The following TBK1 variants were observed in gnomAD, a reference collection of about 807,000 sequenced individuals.
TBK1 encodes the protein TANK binding kinase 1.
In TBK1, 37 loss-of-function variants were observed where a neutral mutation model predicts 99.9. The observed-to-expected ratio is 0.37, with a 90% confidence interval of 0.28 to 0.49. TBK1 has a LOEUF of 0.49. Among genes scored for constraint, TBK1 ranks in the 20% least tolerant of loss-of-function variants. The pLI is 0.98. For synonymous variants in TBK1, 258 were observed against 279.8 expected (o/e 0.92, Z 0.78); for missense variants, 644 against 872.5 (o/e 0.74, Z 3.30).
intron 13 of TBK1, among the ~76,000 whole-genome samples, chr12:64,493,374 C>T (rs1324389434): frequency 6.6e-6 from 1 of 151,144 alleles, no homozygotes; most frequent in African/African-American, 2.4e-5. Context: ...CACCTGTAAT[C>T]CCAGAACTTT....
At chr12:64,481,403 T>A (rs538208188) in intron 7 of TBK1, among the ~76,000 whole-genome samples, 64 of 152,298 alleles carry the variant, frequency 4.2e-4, no homozygotes, top group Middle Eastern at 3.4e-3. Context: ...TTATATAATT[T>A]TTTTGTTTTA....
At chr12:64,496,271 C>A (rs2040923913) in intron 15 of TBK1, 96 bp from the exon 16 acceptor site, 1 of 580,278 alleles carries the variant, frequency 1.7e-6, no homozygotes, top group African/African-American at 2.0e-5. Context: ...GCTTCAGACT[C>A]TTAGCCTTTT....
intron 8 of TBK1, 67 bp downstream of exon 8, chr12:64,482,088 A>C (rs2040773748): frequency 1.1e-5 from 12 of 1,140,730 alleles, no homozygotes; most frequent in Non-Finnish European, 1.4e-5. Flanking sequence ...AAGTTAGGAA[A>C]AGAAATAGAA....
At position 64,485,920 on chromosome 12, in the gene TBK1, T is replaced by C. The variant is rs2040816080; in HGVS notation, c.1249-6T>C. 6.4e-7 allele frequency: 1 copy of C among 1,556,986 alleles called. No individual in the cohort carries two copies. Among genetic ancestry groups the C allele is most frequent in the Non-Finnish European group, 8.7e-7 (1 of 1,154,846 alleles). On this transcript the variant is annotated splice_region_variant and splice_polypyrimidine_tract_variant and intron_variant, in intron 10 of 20. Coordinates refer to ENST00000331710, the MANE Select transcript of TBK1 (RefSeq NM_013254.4). ...ACCAAATATTGACATTTTATTTCTT[T>C]ATTAGGCAATAACAGGGGTTGTGTG...
intron 5 of TBK1, among the ~76,000 whole-genome samples, chr12:64,469,383 C>G (rs747769610): frequency 3.9e-5 from 6 of 152,092 alleles, no homozygotes; most frequent in Non-Finnish European, 8.8e-5. Flanking sequence ...CTGCTCCTTT[C>G]TCCGTCCTAC....
At chr12:64,488,175 G>T (rs2040836612) in intron 11 of TBK1, among the ~76,000 whole-genome samples, 2 of 152,066 alleles carry the variant, frequency 1.3e-5, no homozygotes, top group African/African-American at 4.8e-5. Context: ...ATTAATTCTG[G>T]TGGTATAAAC....
At chr12:64,480,243 C>G (rs1044372340) in intron 7 of TBK1, 121 bp downstream of exon 7, 2 of 601,884 alleles carry the variant, frequency 3.3e-6, no homozygotes, top group Non-Finnish European at 5.6e-6. Flanking sequence ...TAGATATTGT[C>G]AAAGCATGTG....
intron 13 of TBK1, among the ~76,000 whole-genome samples, chr12:64,491,447 C>G (rs549515427): frequency 1.6e-4 from 24 of 152,024 alleles, no homozygotes; most frequent in Non-Finnish European, 2.9e-4. Context: ...ATGATGAAAC[C>G]CCATCTCTAC....
intron 13 of TBK1, among the ~76,000 whole-genome samples, chr12:64,494,300 CAAAAAAAAAAAAA>C (rs2040902408): frequency 7.4e-6 from 1 of 134,378 alleles, no homozygotes; most frequent in African/African-American, 3.0e-5. Flanking sequence ...CCAACTCTAC[CAAAAAAAAAAAAA>C]GAAAAAAAAG....
chr12:64,490,002 T>G, intron 12 of TBK1, 39 bp from the exon 13 acceptor site: 1 of 1,256,198 alleles, frequency 8.0e-7, no homozygotes, highest in Non-Finnish European at 1.1e-6. Flanking sequence ...TATGTATTGA[T>G]TATACTCATT....
At chr12:64,501,259 T>C in intron 20 of TBK1, 71 bp from the exon 21 acceptor site, 1 of 1,432,538 alleles carries the variant, frequency 7.0e-7, no homozygotes, top group South Asian at 1.2e-5. Flanking sequence ...AAAAGTATTT[T>C]AAGGTTGGGG....
chr12:64,467,875 A>G (rs1234191341), intron 5 of TBK1, among the ~76,000 whole-genome samples: 1 of 152,212 alleles, frequency 6.6e-6, no homozygotes, highest in Non-Finnish European at 1.5e-5. Context: ...ATCTGTAGAT[A>G]TATGTGATGA....
chr12:64,480,646 T>C (rs796099149), intron 7 of TBK1, among the ~76,000 whole-genome samples: 35 of 152,300 alleles, frequency 2.3e-4, no homozygotes, highest in African/African-American at 8.4e-4. Context: ...ATCAAAAAAA[T>C]TATATTGTCA....
intron 5 of TBK1, among the ~76,000 whole-genome samples, chr12:64,471,642 C>T (rs957982201): frequency 6.6e-6 from 1 of 152,194 alleles, no homozygotes; most frequent in Non-Finnish European, 1.5e-5. Context: ...ATGTGAGCCA[C>T]CACACCCTGT....
chr12:64,482,328 C>T (rs929216335), intron 8 of TBK1, among the ~76,000 whole-genome samples: 1 of 152,106 alleles, frequency 6.6e-6, no homozygotes, highest in Non-Finnish European at 1.5e-5. Flanking sequence ...TACCAATAAA[C>T]CAGCCAGGTT....
Position 64,474,489 on chromosome 12 carries a change from T to C in TBK1, c.701+99T>C, listed in dbSNP as rs1357587409. The C allele has an allele frequency of 8.6e-6, 10 of 1,167,428 alleles. No individual in the cohort carries two copies. The East Asian group carries it at 1.9e-4, about 22-fold the overall frequency. The allele number at this position is 1,167,428 out of a possible 1,614,324, so 72.3% of individuals were successfully genotyped here. A position where few individuals can be genotyped will look rare whatever the true frequency, so the allele number is the denominator to read the frequency against. On this transcript the variant is annotated intron_variant, in intron 6 of 20. Transcript: ENST00000331710. Reference sequence around the variant, plus strand: ...GTGGTTTATGCTAATAAAAATTGATTTAACAATCATTTCTGATATTTTAAG... The same window carrying C: ...GTGGTTTATGCTAATAAAAATTGATCTAACAATCATTTCTGATATTTTAAG...
intron 8 of TBK1, among the ~76,000 whole-genome samples, chr12:64,482,582 G>A (rs530834742): frequency 2.4e-4 from 37 of 152,238 alleles, no homozygotes; most frequent in African/African-American, 8.9e-4. Flanking sequence ...TTTGGTCAAT[G>A]ATGGACCATA....
intron 5 of TBK1, 78 bp from the exon 6 acceptor site, chr12:64,474,152 C>A: frequency 1.5e-6 from 2 of 1,317,882 alleles, no homozygotes; most frequent in African/African-American, 1.5e-5. Context: ...AATTTCTAAG[C>A]ATTATTGAGT....
chr12:64,459,857 A>T (rs2040527229), intron 2 of TBK1, among the ~76,000 whole-genome samples: 1 of 152,176 alleles, frequency 6.6e-6, no homozygotes, highest in Non-Finnish European at 1.5e-5. Context: ...TCTTTAAAAG[A>T]TGATTTTGCT....
Sources: gnomAD v4.1 joint callset for allele counts (sites outside exome capture counted in the v4.1 genomes callset) on GRCh38, gnomAD v4.1.1 for gene constraint, MANE v1.5 for transcripts, NCBI Gene and HGNC (gene_info 2026-07-23, HGNC 2026-07-21) for gene names.